ADAM7: variants seen among roughly 807,000 people sequenced by gnomAD.
ADAM7 encodes disintegrin and metalloproteinase domain-containing protein 7.
A neutral mutation model predicts 102.9 loss-of-function variants in ADAM7; 97 were observed. The ratio of observed to expected loss-of-function variants is 0.94; its 90% CI spans 0.80 to 1.12. The LOEUF (loss-of-function observed/expected upper bound fraction) is 1.12. Among genes scored for constraint, ADAM7 ranks in the 50% most tolerant of loss-of-function variants. ADAM7 has a pLI of 0.00. For missense variants in ADAM7, 991 were observed against 908.7 expected (o/e 1.09, Z -1.16); for synonymous variants, 334 against 304.4 (o/e 1.10, Z -1.01).
rs1248667269 is a variant in ADAM7, at chr8:24,441,159, A to G, written c.51A>G (p.Lys17=). The change falls in exon 1 of 22, where the codon AAA becomes AAG. Residue 17 remains lysine (K), a splice_region_variant and synonymous_variant. Transcript: ENST00000175238. ...FLMILLIPQV[K]EKFILGVEGQ... is the part of the protein sequence containing the mutation. The stretch of plus-strand genomic sequence containing the variant: ...TGATTTTACTCATTCCTCAGGTTAA[A>G]GGTATGTCTTGCTCTTTTTATCAGG... 1 of 1,612,248 alleles carries G rather than the reference A, an allele frequency of 6.2e-7. No individual in the cohort carries two copies. Among genetic ancestry groups the G allele is most frequent in the Non-Finnish European group, 8.5e-7 (1 of 1,178,284 alleles).
chr8:24,487,304 G>C lies in ADAM7; in HGVS notation c.1078G>C (p.Asp360His). ...CTGTCCTTCAGGAAAATGCGTGATG[G>C]ACAGTGATGGAAGGTGAGATTCGAA... ...CTCPSGKCVM[D>H]SDGSIPALKF... Residue 360 changes from aspartate (D) to histidine (H), a missense_variant, in exon 11 of 22, where the codon GAC (aspartate) becomes CAC (histidine). Coordinates refer to ENST00000175238, the MANE Select transcript of ADAM7 (RefSeq NM_003817.4). 1.2e-6 allele frequency: 2 copies of C among 1,613,660 alleles called. No homozygotes were observed. The highest frequency in any genetic ancestry group is 1.7e-6 in the Non-Finnish European group (2 of 1,179,762).
At chr8:24,494,284 T>G (rs1262946608) in intron 16 of ADAM7, among the ~76,000 whole-genome samples, 1 of 152,200 alleles carries the variant, frequency 6.6e-6, no homozygotes, top group Non-Finnish European at 1.5e-5. Flanking sequence ...GTTAAAATCA[T>G]TAAATGAATA....
At chr8:24,490,091 C>A (rs1820289648) in intron 12 of ADAM7, among the ~76,000 whole-genome samples, 1 of 152,134 alleles carries the variant, frequency 6.6e-6, no homozygotes, top group Non-Finnish European at 1.5e-5. Context: ...TATCTACAGT[C>A]TAGATAATGC....
chr8:24,498,435 A>G (rs559923193), intron 16 of ADAM7, among the ~76,000 whole-genome samples: 108 of 151,680 alleles, frequency 7.1e-4, no homozygotes, highest in African/African-American at 2.3e-3. Flanking sequence ...AAATTAGCAT[A>G]TATAGCTTTC....
chr8:24,480,243 T>C (rs987321343), intron 8 of ADAM7, among the ~76,000 whole-genome samples: 1 of 152,196 alleles, frequency 6.6e-6, no homozygotes, highest in African/African-American at 2.4e-5. Context: ...TGCATATTGC[T>C]GAACTTTTAC....
intron 16 of ADAM7, among the ~76,000 whole-genome samples, chr8:24,496,970 G>T (rs540720454): frequency 6.6e-6 from 1 of 152,280 alleles, no homozygotes; most frequent in African/African-American, 2.4e-5. Context: ...GGAATGATGT[G>T]GTTTGGCTGT....
At chr8:24,481,276 T>G (rs1819943374) in intron 8 of ADAM7, among the ~76,000 whole-genome samples, 1 of 152,188 alleles carries the variant, frequency 6.6e-6, no homozygotes, top group Non-Finnish European at 1.5e-5. Flanking sequence ...TCATGTAGGT[T>G]AAGAAAAGTA....
Position 24,501,555 on chromosome 8 carries a change from G to T in ADAM7, c.2187G>T (p.Leu729=). 1.9e-6 allele frequency: 3 copies of T among 1,594,216 alleles called. No homozygotes were observed. Among genetic ancestry groups the T allele is most frequent in the Non-Finnish European group, 2.6e-6 (3 of 1,174,192 alleles). ...DEQQIRTEPI[L]PEIHFLNKPA... is the part of the protein sequence containing the mutation. ...AGCAGATAAGGACTGAGCCAATCCT[G>T]CCAGAAATTCATTTCCTAAATGTAA... The change falls in exon 20 of 22, where the codon CTG becomes CTT. Residue 729 remains leucine (L), a synonymous_variant. Coordinates refer to ENST00000175238, the MANE Select transcript of ADAM7 (RefSeq NM_003817.4).
intron 3 of ADAM7, among the ~76,000 whole-genome samples, chr8:24,453,881 C>T (rs972566117): frequency 6.6e-6 from 1 of 152,208 alleles, no homozygotes; most frequent in African/African-American, 2.4e-5. Flanking sequence ...ACAGGACCCT[C>T]AGCTGCAGGT....
Position 24,487,255 on chromosome 8 carries a change from G to A in ADAM7, c.1029G>A (p.Met343Ile), listed in dbSNP as rs995472537. ...ATCAACTGGGGCATAACCTTGGGATGCAGCATGACGAGTTCCCATGCACCT... is the reference window on the plus strand; with the variant it reads ...ATCAACTGGGGCATAACCTTGGGATACAGCATGACGAGTTCCCATGCACCT... ...MAHQLGHNLGMQHDEFPCTCP... is the reference protein window; with the variant it reads ...MAHQLGHNLGIQHDEFPCTCP... The change falls in exon 11 of 22, where the codon ATG (methionine) becomes ATA (isoleucine). Residue 343 changes from methionine to isoleucine, a missense_variant. Physicochemically the swap from Met to Ile is conservative, Grantham distance 10. Coordinates refer to ENST00000175238, the MANE Select transcript of ADAM7 (RefSeq NM_003817.4). 2.5e-6 allele frequency: 4 copies of A among 1,613,842 alleles called. No individual in the cohort carries two copies. Among genetic ancestry groups the A allele is most frequent in the Non-Finnish European group, 3.4e-6 (4 of 1,179,902 alleles).
intron 4 of ADAM7, among the ~76,000 whole-genome samples, chr8:24,465,435 C>T (rs1328053992): frequency 6.6e-6 from 1 of 152,102 alleles, no homozygotes; most frequent in African/African-American, 2.4e-5. Context: ...AAACTACTGT[C>T]GTCATTAACA....
At chr8:24,474,752 G>T (rs1374664543) in intron 7 of ADAM7, among the ~76,000 whole-genome samples, 5 of 151,910 alleles carry the variant, frequency 3.3e-5, no homozygotes, top group Non-Finnish European at 7.4e-5. Flanking sequence ...AAAAATAGCT[G>T]GGTGTGGTGG....
In ADAM7 at chr8:24,492,586, C is replaced by A; in HGVS notation, c.1644C>A (p.Pro548=). 1 of 1,611,462 alleles carries A rather than the reference C, an allele frequency of 6.2e-7. No individual in the cohort carries two copies. Among genetic ancestry groups the A allele is most frequent in the South Asian group, 1.1e-5 (1 of 90,626 alleles). ...YCKNKENRFL[P]CEEKDVRCGK... ...AAAACAAGGAAAACAGATTTCTTCC[C>A]TGTGAGGAGAAGTAAGTGCCCTGTG... The change falls in exon 15 of 22, where the codon CCC becomes CCA. Residue 548 remains proline (P), a synonymous_variant. Coordinates refer to ENST00000175238, the MANE Select transcript of ADAM7 (RefSeq NM_003817.4).
rs1820670028 is a variant in ADAM7 at position 24,499,400 on chromosome 8, A to T, written c.1923+84A>T. On this transcript the variant is annotated intron_variant, in intron 17 of 21. Transcript: ENST00000175238. ...CCAGCCTATATGTGCATGTATATGT[A>T]TGTATATATGTATTTTTGCTGCTTT... The T allele has an allele frequency of 5.9e-5, 56 of 941,390 alleles. 1 individual carries two copies. The South Asian group carries it at 1.2e-3, about 21-fold the overall frequency. The allele number at this position is 941,390 out of a possible 1,614,324, so 58.3% of individuals were successfully genotyped here.
At chr8:24,480,258 G>T (rs927502355) in intron 8 of ADAM7, among the ~76,000 whole-genome samples, 1 of 152,146 alleles carries the variant, frequency 6.6e-6, no homozygotes, top group Non-Finnish European at 1.5e-5. Context: ...TTTTACTGAA[G>T]ATTTGTAGTT....
chr8:24,485,952 T>G (rs13270401), intron 10 of ADAM7, among the ~76,000 whole-genome samples: 40,871 of 152,054 alleles, frequency 0.27, 6,388 homozygotes, highest in South Asian at 0.4. Flanking sequence ...CTGTGCCTTG[T>G]CTGGTATTAA....
intron 3 of ADAM7, among the ~76,000 whole-genome samples, chr8:24,454,596 T>C (rs1585860811): frequency 6.6e-6 from 1 of 152,310 alleles, no homozygotes; most frequent in Middle Eastern, 3.4e-3. Context: ...CCCTGATCCC[T>C]TGCGCTTCCC....
At position 24,442,146 on chromosome 8, in the gene ADAM7, C is replaced by T. The variant is rs368206472; in HGVS notation, c.53-327C>T. Among the ~76,000 whole-genome samples, 21 of 152,234 alleles carry T rather than the reference C, an allele frequency of 1.4e-4. No homozygotes were observed. The East Asian group carries it at 2.1e-3, about 15-fold the overall frequency. ...CCGAGATCACGCCACTACACTCCAG[C>T]CTGGCTGACAGAGCGAGACTCTGTC... On this transcript the variant is annotated intron_variant, in intron 1 of 21. Coordinates refer to ENST00000175238, the MANE Select transcript of ADAM7 (RefSeq NM_003817.4).
chr8:24,467,162 T>C (rs1819455289), intron 6 of ADAM7, 174 bp downstream of exon 6: 1 of 625,626 alleles, frequency 1.6e-6, no homozygotes, highest in African/African-American at 1.8e-5. Flanking sequence ...AAAGTGTTTA[T>C]TTCATAGAGT....
Sources: allele counts gnomAD v4.1 joint callset (sites outside exome capture counted in the v4.1 genomes callset), GRCh38; gene constraint gnomAD v4.1.1; transcripts MANE v1.5; gene names NCBI Gene and HGNC (gene_info 2026-07-23, HGNC 2026-07-21).